CD83: variants seen among roughly 807,000 people sequenced by gnomAD.
CD83 encodes CD83 molecule, also known as CD83 antigen.
In CD83, 22 loss-of-function variants were observed where a neutral mutation model predicts 24.6. The ratio of observed to expected loss-of-function variants is 0.90; its 90% CI spans 0.64 to 1.28. The LOEUF (loss-of-function observed/expected upper bound fraction) is 1.28. Ranked by LOEUF, CD83 falls within the 50% of genes most tolerant of loss-of-function variation. The probability of loss-of-function intolerance (pLI) is 0.00; values close to 1 mark genes in which losing one functional copy is unlikely to be tolerated. For missense variants in CD83, 253 were observed against 252.8 expected (o/e 1.00, Z -0.01); for synonymous variants, 101 against 103.5 (o/e 0.98, Z 0.14).
chr6:14,118,406 G>C (rs577948063), intron 2 of CD83, among the ~76,000 whole-genome samples: 4 of 152,282 alleles, frequency 2.6e-5, no homozygotes, highest in Admixed American at 6.5e-5. Context: ...CAGCAGGTCA[G>C]GAAGAAAGCA....
chr6:14,135,895 T>C lies in CD83; in HGVS notation c.*659T>C, dbSNP rs2113409024. On this transcript the variant is annotated 3_prime_UTR_variant, in exon 5 of 5. Transcript: ENST00000379153. ...CCACATTTATTTTTATATCTATATGTACTTGTCAAAGAAGGTTTGTGTTTT... is the reference window on the plus strand; with the variant it reads ...CCACATTTATTTTTATATCTATATGCACTTGTCAAAGAAGGTTTGTGTTTT... The C allele has an allele frequency of 2.0e-5, 3 of 152,376 alleles. No homozygotes were observed. In the South Asian group the frequency reaches 6.2e-4, roughly 32 times the overall value. The allele number at this position is 152,376 out of a possible 1,614,324, so 9.4% of individuals were successfully genotyped here. A position where few individuals can be genotyped will look rare whatever the true frequency, so the allele number is the denominator to read the frequency against.
intron 2 of CD83, among the ~76,000 whole-genome samples, chr6:14,130,371 G>A (rs1757855932): frequency 6.6e-6 from 1 of 152,254 alleles, no homozygotes; most frequent in Non-Finnish European, 1.5e-5. Context: ...AATGTGGTAT[G>A]AGCCTAATCT....
Position 14,118,041 on chromosome 6 carries a change from TC to T in CD83, c.132del (p.Tyr45ThrfsTer48). The T allele has an allele frequency of 6.2e-7, 1 of 1,609,704 alleles. No individual in the cohort carries two copies. ...GCACCGCCCCCTGGGATCCGCAGGTTCCCTACACGGTCTCCTGGGTCAAGGT... is the reference window on the plus strand; with the variant it reads ...GCACCGCCCCCTGGGATCCGCAGGTTCCTACACGGTCTCCTGGGTCAAGGT... ...PCTAPWDPQV[P>X]YTVSWVKLLE... is the part of the protein sequence containing the mutation. On this transcript the variant is annotated frameshift_variant, in exon 2 of 5. Coordinates refer to ENST00000379153, the MANE Select transcript of CD83 (RefSeq NM_004233.4). LOFTEE classifies it high-confidence loss of function.
rs528134602 is a variant in CD83, at chr6:14,118,065, G to C, written c.153G>C (p.Lys51Asn). The stretch of plus-strand genomic sequence containing the variant: ...TTCCCTACACGGTCTCCTGGGTCAA[G>C]GTAGGTGCTGCGATACCCACGGGCT... The part of the protein sequence containing the change: ...PQVPYTVSWV[K>N]LLEGGEERME... Residue 51 changes from lysine (K) to asparagine (N), a missense_variant and splice_region_variant, in exon 2 of 5, where the codon AAG (lysine) becomes AAC (asparagine). Lys to Asn is a moderately conservative substitution (Grantham distance 94, BLOSUM62 0). Transcript: ENST00000379153. 6.2e-7 allele frequency: 1 copy of C among 1,600,950 alleles called. No homozygotes were observed. The highest frequency in any genetic ancestry group is 1.7e-5 in the Admixed American group (1 of 58,826).
intron 2 of CD83, among the ~76,000 whole-genome samples, chr6:14,120,416 C>A (rs1561828435): frequency 6.6e-6 from 1 of 152,164 alleles, no homozygotes; most frequent in Non-Finnish European, 1.5e-5. Flanking sequence ...AGCATCTGGT[C>A]ATTTTTCTAT....
chr6:14,134,383 C>G (rs1757994721), intron 4 of CD83, among the ~76,000 whole-genome samples: 1 of 152,236 alleles, frequency 6.6e-6, no homozygotes, highest in Non-Finnish European at 1.5e-5. Context: ...CTCAGAGATT[C>G]TTTCTGCATG....
In CD83 at chr6:14,124,740, A is replaced by C. The variant is rs544179991; in HGVS notation, c.153+6675A>C. 1.8e-4 allele frequency among the ~76,000 whole-genome samples: 28 copies of C among 152,342 alleles called. No homozygotes were observed. The South Asian group carries it at 5.8e-3, about 32-fold the overall frequency. ...TTGGCTTATATATAATTGGAATGGG[A>C]AAAAATTGAAAAATCAAAATACAGT... On this transcript the variant is annotated intron_variant, in intron 2 of 4. Transcript: ENST00000379153.
intron 2 of CD83, among the ~76,000 whole-genome samples, chr6:14,123,258 C>T (rs766732092): frequency 1.2e-4 from 19 of 152,054 alleles, no homozygotes; most frequent in Admixed American, 2.0e-4. Context: ...CCACCATGCC[C>T]GGCTACTTTT....
chr6:14,135,056 A>G (rs1019455260), intron 4 of CD83, 52 bp from the exon 5 acceptor site: 3 of 1,598,136 alleles, frequency 1.9e-6, no homozygotes, highest in South Asian at 2.2e-5. Context: ...GGAGGTGACA[A>G]CTGCTGAATT....
At chr6:14,117,450 C>T (rs549961010), upstream of CD83, among the ~76,000 whole-genome samples, 1 of 152,026 alleles carries the variant, frequency 6.6e-6, no homozygotes, top group East Asian at 1.9e-4. This position sits in a 1 kb window ranked among gnomAD's most constrained non-coding sequence, Gnocchi z 4.6. Flanking sequence ...CGCGCGAGCG[C>T]GGTCTGCAAA....
Position 14,131,590 on chromosome 6 carries a change from A to G in CD83, c.224A>G (p.Gln75Arg). ...CACCTCAGGGGACAGCACTATCATCAGAAGGGGCAAAATGGTTCTTTCGAC... is the reference window on the plus strand; with the variant it reads ...CACCTCAGGGGACAGCACTATCATCGGAAGGGGCAAAATGGTTCTTTCGAC... ...EDHLRGQHYH[Q>R]KGQNGSFDAP... The change falls in exon 3 of 5, where the codon CAG becomes CGG. Residue 75 changes from glutamine (Q) to arginine (R), a missense_variant. Gln to Arg is a conservative substitution (Grantham distance 43). Coordinates refer to ENST00000379153, the MANE Select transcript of CD83 (RefSeq NM_004233.4). The G allele has an allele frequency of 1.9e-6, 3 of 1,614,190 alleles. No homozygotes were observed. The highest frequency in any genetic ancestry group is 2.5e-6 in the Non-Finnish European group (3 of 1,180,026).
chr6:14,135,968 C>T lies in CD83; in HGVS notation c.*732C>T, dbSNP rs1758040009. ...GTAGTGAGATAGCATTGTGAACTGACAGGCAGCCTGGACATAGAGAGGGAG... is the reference window on the plus strand; with the variant it reads ...GTAGTGAGATAGCATTGTGAACTGATAGGCAGCCTGGACATAGAGAGGGAG... On this transcript the variant is annotated 3_prime_UTR_variant, in exon 5 of 5. Coordinates refer to ENST00000379153, the MANE Select transcript of CD83 (RefSeq NM_004233.4). 1 of 152,206 alleles carries T rather than the reference C, an allele frequency of 6.6e-6. No individual in the cohort carries two copies. The highest frequency in any genetic ancestry group is 2.4e-5 in the African/African-American group (1 of 41,446). The allele number at this position is 152,206 out of a possible 1,614,324, so 9.4% of individuals were successfully genotyped here. A position where few individuals can be genotyped will look rare whatever the true frequency, so the allele number is the denominator to read the frequency against.
intron 2 of CD83, among the ~76,000 whole-genome samples, chr6:14,121,595 T>C (rs918807786): frequency 2.8e-4 from 34 of 122,588 alleles, no homozygotes; most frequent in Non-Finnish European, 4.9e-4. Context: ...GCCTGGGCAA[T>C]GCAGTGAGAC....
intron 2 of CD83, among the ~76,000 whole-genome samples, chr6:14,121,616 CAAAAAAAAA>C (rs57805122): frequency 3.7e-5 from 2 of 53,772 alleles, no homozygotes; most frequent in East Asian, 1.3e-3. Context: ...CTGTCTCTAC[CAAAAAAAAA>C]AAAAAAAAAA....
At chr6:14,133,780 CT>C in intron 4 of CD83, 25 bp downstream of exon 4, 1 of 1,453,674 alleles carries the variant, frequency 6.9e-7, no homozygotes, top group East Asian at 2.3e-5. Context: ...AAAACATCTT[CT>C]CTTATTAAAA....
In CD83 at chr6:14,131,755, T is replaced by C. The variant is rs375093131; in HGVS notation, c.382+7T>C. ...GTGATCTTGAGAGTGACAGGTGAGG[T>C]GACCTGCTGCACTTGTTTTCTTCTT... is the stretch of plus-strand genomic sequence containing the variant. On this transcript the variant is annotated splice_region_variant and intron_variant, in intron 3 of 4. Transcript: ENST00000379153. The C allele has an allele frequency of 2.3e-5, 36 of 1,577,982 alleles. No individual in the cohort carries two copies. Among genetic ancestry groups the C allele is most frequent in the Non-Finnish European group, 2.7e-5 (31 of 1,147,308 alleles).
At chr6:14,121,660 C>T (rs1759675189) in intron 2 of CD83, among the ~76,000 whole-genome samples, 3 of 135,122 alleles carry the variant, frequency 2.2e-5, no homozygotes, top group African/African-American at 8.0e-5. Flanking sequence ...AGATGTGGTT[C>T]TTTGAGGAGG....
chr6:14,121,645 G>A (rs1010707704), intron 2 of CD83, among the ~76,000 whole-genome samples: 13 of 137,818 alleles, frequency 9.4e-5, no homozygotes, highest in African/African-American at 3.2e-4. Context: ...AAAAAAAGTT[G>A]TAATAGATGT....
chr6:14,126,737 TG>T (rs1759825325), intron 2 of CD83, among the ~76,000 whole-genome samples: 1 of 152,228 alleles, frequency 6.6e-6, no homozygotes, highest in Non-Finnish European at 1.5e-5. Context: ...GCTGTTTTTA[TG>T]ATGAATGGGA....
Sources: allele counts gnomAD v4.1 joint callset (sites outside exome capture counted in the v4.1 genomes callset), GRCh38; gene constraint gnomAD v4.1.1; non-coding constraint Gnocchi (gnomAD v3.1); transcripts MANE v1.5; gene names NCBI Gene and HGNC (gene_info 2026-07-23, HGNC 2026-07-21).